The following DDHD1 variants were observed in gnomAD, a reference collection of about 807,000 sequenced individuals.
DDHD1 encodes phospholipase DDHD1.
A neutral mutation model predicts 96.4 loss-of-function variants in DDHD1; 49 were observed. The observed-to-expected ratio is 0.51, with a 90% confidence interval of 0.40 to 0.64. The LOEUF is 0.64. DDHD1 is among the 30% of genes least tolerant of loss of function. DDHD1 has a pLI of 0.00. For missense variants in DDHD1, 1,106 were observed against 1,161.2 expected (o/e 0.95, Z 0.69); for synonymous variants, 442 against 446.5 (o/e 0.99, Z 0.13).
chr14:53,113,834 T>TC (rs1407083501), intron 1 of DDHD1, among the ~76,000 whole-genome samples: 9 of 151,734 alleles, frequency 5.9e-5, no homozygotes, highest in African/African-American at 2.2e-4. Context: ...GCTGCAGGAG[T>TC]TTTTTTCAAA....
At chr14:53,051,059 T>C (rs914178803) in intron 12 of DDHD1, among the ~76,000 whole-genome samples, 2 of 151,806 alleles carry the variant, frequency 1.3e-5, no homozygotes, top group Non-Finnish European at 2.9e-5. Flanking sequence ...TAAGAGTTTT[T>C]TTTTTTTTTT....
At chr14:53,146,071 T>C (rs1373829152) in intron 1 of DDHD1, among the ~76,000 whole-genome samples, 3 of 152,096 alleles carry the variant, frequency 2.0e-5, no homozygotes, top group Non-Finnish European at 4.4e-5. Flanking sequence ...CCAGGCATTG[T>C]GGCGCATGCC....
At chr14:53,055,138 G>C (rs1566519282) in intron 10 of DDHD1, among the ~76,000 whole-genome samples, 2 of 152,210 alleles carry the variant, frequency 1.3e-5, no homozygotes, top group Non-Finnish European at 2.9e-5. Context: ...AAAGGCAATG[G>C]ACAGATTCAA....
At chr14:53,117,309 C>A (rs999990361) in intron 1 of DDHD1, among the ~76,000 whole-genome samples, 1 of 152,172 alleles carries the variant, frequency 6.6e-6, no homozygotes, top group Non-Finnish European at 1.5e-5. Context: ...GTGGGTGCAG[C>A]TCACGGAGGG....
intron 4 of DDHD1, among the ~76,000 whole-genome samples, chr14:53,081,379 G>T (rs1318394476): frequency 2.0e-5 from 3 of 152,170 alleles, no homozygotes; most frequent in Non-Finnish European, 2.9e-5. Flanking sequence ...TTTGATGGCT[G>T]TGTAGTTCTT....
Position 53,051,842 on chromosome 14 carries a change from AC to A in DDHD1, c.2521+1del. ...GAATGCTATTCCTGACATATACCAT[AC>A]CGAGGGCATTATCTTTATTCTGCAT... is the stretch of plus-strand genomic sequence containing the variant. On this transcript the variant is annotated splice_donor_variant, in intron 12 of 12. Transcript: ENST00000673822. LOFTEE classifies it high-confidence loss of function. 6.3e-7 allele frequency: 1 copy of A among 1,587,072 alleles called. No homozygotes were observed.
At chr14:53,060,279 T>C (rs182696177) in intron 8 of DDHD1, among the ~76,000 whole-genome samples, 19 of 152,212 alleles carry the variant, frequency 1.2e-4, no homozygotes, top group African/African-American at 4.3e-4. Flanking sequence ...TCCTTTCCAA[T>C]AGTCTAGTCA....
At chr14:53,133,617 A>G (rs1595244412) in intron 1 of DDHD1, among the ~76,000 whole-genome samples, 1 of 152,172 alleles carries the variant, frequency 6.6e-6, no homozygotes, top group African/African-American at 2.4e-5. Flanking sequence ...TGCCCTTCTC[A>G]GAATTCGGGC....
At chr14:53,148,364 G>A (rs935697477) in intron 1 of DDHD1, among the ~76,000 whole-genome samples, 3 of 151,688 alleles carry the variant, frequency 2.0e-5, no homozygotes, top group African/African-American at 4.9e-5. Context: ...CCAGGCTGGA[G>A]TGCAGTGTCA....
chr14:53,041,713 G>T lies in DDHD1; in HGVS notation c.*5055C>A, dbSNP rs914210439. On this transcript the variant is annotated 3_prime_UTR_variant, in exon 13 of 13. Coordinates refer to ENST00000673822, the MANE Select transcript of DDHD1 (RefSeq NM_001160148.2). ...TTGTATTTCTTCTTCTTTTTCCTGG[G>T]TATTTTGAATCTGAGGCATAAACGG... is the stretch of plus-strand genomic sequence containing the variant. 7 of 151,642 alleles carry T rather than the reference G, an allele frequency of 4.6e-5. No homozygotes were observed. The highest frequency in any genetic ancestry group is 1.7e-4 in the African/African-American group (7 of 41,250). 9.4% of individuals were successfully genotyped at this position (151,642 alleles called of 1,614,324 possible).
Position 53,042,542 on chromosome 14 carries a change from A to G in DDHD1, c.*4226T>C, listed in dbSNP as rs1277191249. ...CTCTAAAAATCTGTACAGACCCGGA[A>G]ATTTTACAGTTCTTTGAAAACTATC... On this transcript the variant is annotated 3_prime_UTR_variant, in exon 13 of 13. Transcript: ENST00000673822. 1 of 152,208 alleles carries G rather than the reference A, an allele frequency of 6.6e-6. No individual in the cohort carries two copies. The highest frequency in any genetic ancestry group is 1.5e-5 in the Non-Finnish European group (1 of 68,038). 9.4% of individuals were successfully genotyped at this position (152,208 alleles called of 1,614,324 possible).
rs1428406655 is a variant in DDHD1, at chr14:53,070,903, G to C, written c.1503+1694C>G. 2.0e-5 allele frequency among the ~76,000 whole-genome samples: 3 copies of C among 152,058 alleles called. No homozygotes were observed. The East Asian group carries it at 5.8e-4, about 29-fold the overall frequency. On this transcript the variant is annotated intron_variant, in intron 6 of 12. Coordinates refer to ENST00000673822, the MANE Select transcript of DDHD1 (RefSeq NM_001160148.2). ...TTTTAGATTAAAAACACTGATGAAA[G>C]AAAGCTCCCAGAGAAAACATCGAAC...
chr14:53,132,104 C>T (rs1161674450), intron 1 of DDHD1, among the ~76,000 whole-genome samples: 2 of 152,072 alleles, frequency 1.3e-5, no homozygotes, highest in Admixed American at 6.5e-5. Context: ...CAATCCTTTC[C>T]CCACTCCCCT....
At position 53,073,754 on chromosome 14, in the gene DDHD1, A is replaced by G; in HGVS notation, c.1383T>C (p.Leu461=). ...AAATAAATATACCTCCATCAAGAGT[A>G]AGTTTTGACCGCCACTCAACAGGCA... The part of the protein sequence containing the change: ...EFLPVEWRSK[L]TLDGDTVDSI... Residue 461 remains leucine, a synonymous_variant, in exon 5 of 13, where the codon CTT becomes CTC. Transcript: ENST00000673822. 4.4e-6 allele frequency: 7 copies of G among 1,607,888 alleles called. No homozygotes were observed. Among genetic ancestry groups the G allele is most frequent in the Non-Finnish European group, 5.9e-6 (7 of 1,176,634 alleles).
chr14:53,133,303 T>C (rs1414855671), intron 1 of DDHD1, among the ~76,000 whole-genome samples: 1 of 152,216 alleles, frequency 6.6e-6, no homozygotes, highest in Non-Finnish European at 1.5e-5. Context: ...GTAAACACTT[T>C]CACTGGATGG....
intron 2 of DDHD1, among the ~76,000 whole-genome samples, chr14:53,095,013 G>A (rs1049721523): frequency 6.6e-6 from 1 of 152,166 alleles, no homozygotes; most frequent in South Asian, 2.1e-4. Flanking sequence ...GCACCAAACA[G>A]AATGTCCTAT....
At chr14:53,149,785 C>T (rs1284450624) in intron 1 of DDHD1, 1 of 152,172 alleles carries the variant, frequency 6.6e-6, no homozygotes, top group Non-Finnish European at 1.5e-5. Flanking sequence ...TCCACATTAC[C>T]TTTAGGTTAA....
rs1464993257 is a variant in DDHD1 at position 53,038,478 on chromosome 14, A to T, written c.*8290T>A. 6.6e-6 allele frequency: 1 copy of T among 152,186 alleles called. No individual in the cohort carries two copies. The highest frequency in any genetic ancestry group is 1.5e-5 in the Non-Finnish European group (1 of 68,030). 9.4% of individuals were successfully genotyped at this position (152,186 alleles called of 1,614,324 possible). On this transcript the variant is annotated 3_prime_UTR_variant, in exon 13 of 13. Coordinates refer to ENST00000673822, the MANE Select transcript of DDHD1 (RefSeq NM_001160148.2). ...CTAACCAAGGAGGTGAAAGATCTCTACAAGGAGAACTACAAAACATGGCAG... is the reference window on the plus strand; with the variant it reads ...CTAACCAAGGAGGTGAAAGATCTCTTCAAGGAGAACTACAAAACATGGCAG...
At chr14:53,071,773 A>G (rs1875186659) in intron 6 of DDHD1, among the ~76,000 whole-genome samples, 2 of 152,104 alleles carry the variant, frequency 1.3e-5, no homozygotes, top group Admixed American at 1.3e-4. Context: ...GGCTCACTAA[A>G]TATTTACTGA....
Sources: allele counts gnomAD v4.1 joint callset (sites outside exome capture counted in the v4.1 genomes callset), GRCh38; gene constraint gnomAD v4.1.1; transcripts MANE v1.5; gene names NCBI Gene and HGNC (gene_info 2026-07-23, HGNC 2026-07-21).